Variants in R3HDM2 observed in about 807,000 individuals in gnomAD.
The protein encoded by R3HDM2 is R3H domain-containing protein 2.
R3HDM2 carries 38 observed loss-of-function variants against 124.5 expected under a neutral mutation model. That is an observed-to-expected ratio of 0.31 (90% CI 0.24 to 0.40). The LOEUF is 0.40. Ranked by LOEUF, R3HDM2 falls within the 10% of genes least tolerant of loss-of-function variation. The probability of loss-of-function intolerance (pLI) is 1.00; values close to 1 mark genes in which losing one functional copy is unlikely to be tolerated. For missense variants in R3HDM2, 869 were observed against 1,236.9 expected, an observed-to-expected ratio of 0.70 and a Z score of 4.46; for synonymous variants, 391 against 448.0, an observed-to-expected ratio of 0.87 and a Z score of 1.61.
At chr12:57,327,420 T>A (rs556598037) in intron 2 of R3HDM2, among the ~76,000 whole-genome samples, 1 of 146,664 alleles carries the variant, frequency 6.8e-6, no homozygotes, top group South Asian at 2.1e-4. Flanking sequence ...TGAGCCGAGA[T>A]CGCGCCATTG....
At chr12:57,373,025 G>A (rs2138018821) in intron 2 of R3HDM2, among the ~76,000 whole-genome samples, 1 of 152,320 alleles carries the variant, frequency 6.6e-6, no homozygotes, top group Non-Finnish European at 1.5e-5. Context: ...CCTGGGCAAT[G>A]TAGTGAGACC....
intron 2 of R3HDM2, among the ~76,000 whole-genome samples, chr12:57,317,684 A>T (rs1035043975): frequency 1.4e-4 from 21 of 151,776 alleles, no homozygotes; most frequent in Admixed American, 4.6e-4. Context: ...AAAAAAAAAA[A>T]AAAAGGGTAT....
intron 2 of R3HDM2, among the ~76,000 whole-genome samples, chr12:57,368,539 G>A (rs1461013489): frequency 6.6e-6 from 1 of 152,188 alleles, no homozygotes; most frequent in Middle Eastern, 3.2e-3. Context: ...AAGGGCTGGA[G>A]ACTGAGGTCA....
In R3HDM2 at chr12:57,256,016, G is replaced by C; in HGVS notation, c.2606C>G (p.Ser869Cys). 6.2e-7 allele frequency: 1 copy of C among 1,613,934 alleles called. No homozygotes were observed. The highest frequency in any genetic ancestry group is 8.5e-7 in the Non-Finnish European group (1 of 1,179,892). The change falls in exon 23 of 24, where the codon TCC (serine) becomes TGC (cysteine). Residue 869 changes from serine to cysteine, a missense_variant. Physicochemically the swap from Ser to Cys is moderately radical, Grantham distance 112. Transcript: ENST00000402412. ...RGKRQALKSA[S>C]TDLGTADVVL... ...AACATCTGCTGTCCCCAGGTCAGTG[G>C]AGGCAGATTTGAGTGCTTGTCTCTT...
At chr12:57,291,615 T>C (rs1401370167) in intron 11 of R3HDM2, among the ~76,000 whole-genome samples, 1 of 151,016 alleles carries the variant, frequency 6.6e-6, no homozygotes, top group East Asian at 1.9e-4. Context: ...GACTGTGCCA[T>C]TGCACTGCAG....
At chr12:57,430,451 G>T (rs754865489) in intron 1 of R3HDM2, 2 of 913,632 alleles carry the variant, frequency 2.2e-6, no homozygotes, top group Non-Finnish European at 2.6e-6. Flanking sequence ...ATAGTTTTTA[G>T]GTCACCCCGC....
At chr12:57,255,601 G>A (rs2038727288) in intron 23 of R3HDM2, among the ~76,000 whole-genome samples, 1 of 152,162 alleles carries the variant, frequency 6.6e-6, no homozygotes, top group Admixed American at 6.5e-5. Context: ...TCCCAAGACA[G>A]ATCTTGTTCA....
intron 2 of R3HDM2, among the ~76,000 whole-genome samples, chr12:57,313,028 T>C (rs893608149): frequency 1.3e-4 from 19 of 151,900 alleles, no homozygotes; most frequent in African/African-American, 4.6e-4. Flanking sequence ...GACTACAAAC[T>C]TCCATTTTAA....
intron 21 of R3HDM2, among the ~76,000 whole-genome samples, chr12:57,257,787 G>C (rs1348904544): frequency 6.6e-6 from 1 of 152,216 alleles, no homozygotes; most frequent in Non-Finnish European, 1.5e-5. Flanking sequence ...ATGTAAAGAA[G>C]GCTAAAGAAA....
Position 57,395,834 on chromosome 12 carries a change from GA to G in R3HDM2, c.-105-17del, listed in dbSNP as rs112053221. 11,602 of 738,696 alleles carry G rather than the reference GA, an allele frequency of 0.016. 31 individuals are homozygous for G. The highest frequency in any genetic ancestry group is 0.06 in the East Asian group (460 of 7,616). 45.8% of individuals were successfully genotyped at this position (738,696 alleles called of 1,614,324 possible). A position where few individuals can be genotyped will look rare whatever the true frequency, so the allele number is the denominator to read the frequency against. ...AGTCTAACCTCTGGGGGAGGAGGGG[GA>G]AAAAAAAAAACAAGTTAAAAGCAAT... On this transcript the variant is annotated splice_polypyrimidine_tract_variant and intron_variant, in intron 1 of 23. Transcript: ENST00000402412.
chr12:57,349,493 C>T (rs1809732899), intron 2 of R3HDM2, among the ~76,000 whole-genome samples: 2 of 150,664 alleles, frequency 1.3e-5, no homozygotes, highest in South Asian at 4.2e-4. Context: ...CAGTTAATTC[C>T]ATCCATTCAC....
At chr12:57,280,327 G>T in intron 14 of R3HDM2, 31 bp downstream of exon 14, 1 of 1,596,064 alleles carries the variant, frequency 6.3e-7, no homozygotes, top group Non-Finnish European at 8.6e-7. Context: ...AATCAGAGTG[G>T]AGAGGACTCT....
chr12:57,307,338 A>G (rs1035313977), intron 3 of R3HDM2, among the ~76,000 whole-genome samples: 3 of 151,524 alleles, frequency 2.0e-5, no homozygotes, highest in Admixed American at 1.3e-4. Flanking sequence ...TTGTTTTTTG[A>G]GACGGGGTCT....
intron 2 of R3HDM2, among the ~76,000 whole-genome samples, chr12:57,350,971 T>C (rs1593734051): frequency 1.3e-5 from 2 of 152,002 alleles, no homozygotes; most frequent in East Asian, 3.9e-4. Flanking sequence ...TGGTGGCGGG[T>C]GCCTGTAATC....
intron 2 of R3HDM2, among the ~76,000 whole-genome samples, chr12:57,320,034 C>T (rs73121808): frequency 1.1e-4 from 17 of 151,900 alleles, no homozygotes; most frequent in Non-Finnish European, 2.2e-4. Context: ...GGGAGGCGGG[C>T]GGATCACTGA....
At chr12:57,311,567 C>A (rs890291231) in intron 2 of R3HDM2, among the ~76,000 whole-genome samples, 1 of 151,938 alleles carries the variant, frequency 6.6e-6, no homozygotes, top group Non-Finnish European at 1.5e-5. Context: ...GAGATGGAGT[C>A]TTGGTATATT....
At chr12:57,309,658 T>A (rs2053500350) in intron 3 of R3HDM2, among the ~76,000 whole-genome samples, 1 of 152,238 alleles carries the variant, frequency 6.6e-6, no homozygotes. Context: ...GAGTTTATTA[T>A]ATGAGTCATT....
At chr12:57,353,694 T>C (rs1284223949) in intron 2 of R3HDM2, among the ~76,000 whole-genome samples, 1 of 152,060 alleles carries the variant, frequency 6.6e-6, no homozygotes, top group Non-Finnish European at 1.5e-5. Context: ...GAACTATAGG[T>C]GTGTGCCACC....
chr12:57,337,477 A>G (rs756464690), intron 2 of R3HDM2, among the ~76,000 whole-genome samples: 1 of 152,152 alleles, frequency 6.6e-6, no homozygotes, highest in Non-Finnish European at 1.5e-5. Context: ...TCTTAAGGCA[A>G]CAACTCAGAA....
Sources: allele counts gnomAD v4.1 joint callset (sites outside exome capture counted in the v4.1 genomes callset), GRCh38; gene constraint gnomAD v4.1.1; transcripts MANE v1.5; gene names NCBI Gene and HGNC (gene_info 2026-07-23, HGNC 2026-07-21).